Variants in GALK2 observed in about 807,000 individuals in gnomAD.
GALK2 encodes the protein N-acetylgalactosamine kinase.
In GALK2, 36 loss-of-function variants were observed where a neutral mutation model predicts 52.4. That is an observed-to-expected ratio of 0.69 (90% CI 0.53 to 0.91). GALK2 has a LOEUF of 0.91. Among genes scored for constraint, GALK2 ranks in the 40% least tolerant of loss-of-function variants. The pLI is 0.00. For missense variants in GALK2, 579 were observed against 559.1 expected (o/e 1.04, Z -0.36); for synonymous variants, 176 against 199.1 (o/e 0.88, Z 0.98).
At chr15:49,277,535 C>T (rs1211901188) in intron 5 of GALK2, among the ~76,000 whole-genome samples, 1 of 148,196 alleles carries the variant, frequency 6.7e-6, no homozygotes, top group African/African-American at 2.5e-5. Flanking sequence ...CGGTGGCTCA[C>T]GCCTGTTATC....
chr15:49,200,163 G>C (rs994426070), intron 1 of GALK2, among the ~76,000 whole-genome samples: 1 of 152,146 alleles, frequency 6.6e-6, no homozygotes, highest in Non-Finnish European at 1.5e-5. Flanking sequence ...AGAGTATCAA[G>C]TTATTAAATA....
At position 49,236,116 on chromosome 15, in the gene GALK2, G is replaced by A. The variant is rs535988488; in HGVS notation, c.357+175G>A. 8.5e-5 allele frequency among the ~76,000 whole-genome samples: 13 copies of A among 152,300 alleles called. No homozygotes were observed. The South Asian group carries it at 2.5e-3, about 29-fold the overall frequency. Reference sequence around the variant, plus strand: ...GAAGATATGACTGTTTTGGGGTGGTGTTCACAGGGGGCAGTAGTGGTTTTT... The same window carrying A: ...GAAGATATGACTGTTTTGGGGTGGTATTCACAGGGGGCAGTAGTGGTTTTT... On this transcript the variant is annotated intron_variant, in intron 4 of 9. Coordinates refer to ENST00000560031, the MANE Select transcript of GALK2 (RefSeq NM_002044.4).
At chr15:49,250,164 C>G (rs1234050635) in intron 5 of GALK2, among the ~76,000 whole-genome samples, 1 of 152,112 alleles carries the variant, frequency 6.6e-6, no homozygotes, top group African/African-American at 2.4e-5. Flanking sequence ...AATTTATGTT[C>G]AAGTGCTATT....
chr15:49,201,052 GA>G, intron 1 of GALK2, 109 bp from the exon 2 acceptor site: 1 of 508,606 alleles, frequency 2.0e-6, no homozygotes, highest in Non-Finnish European at 3.4e-6. Context: ...CAGGCATATG[GA>G]GTGTGTGTGT....
chr15:49,195,593 T>C (rs1013589303), intron 1 of GALK2, among the ~76,000 whole-genome samples: 1 of 152,210 alleles, frequency 6.6e-6, no homozygotes, highest in Non-Finnish European at 1.5e-5. Flanking sequence ...GTGAATTCTT[T>C]TATTATTCAA....
chr15:49,266,593 T>C (rs2141666240), intron 5 of GALK2, among the ~76,000 whole-genome samples: 1 of 152,186 alleles, frequency 6.6e-6, no homozygotes, highest in East Asian at 1.9e-4. Context: ...ACAGCTTCTA[T>C]GATCATATGA....
chr15:49,365,886 TGCA>T, intron 3 of GALK2: 1 of 963,942 alleles, frequency 1.0e-6, no homozygotes, highest in Non-Finnish European at 1.7e-6. Flanking sequence ...TATGAATTAG[TGCA>T]GCAAGAGAGT....
At chr15:49,299,813 C>T (rs1258770383) in intron 8 of GALK2, among the ~76,000 whole-genome samples, 1 of 118,964 alleles carries the variant, frequency 8.4e-6, no homozygotes, top group South Asian at 2.6e-4. Context: ...AGTCTGAGAG[C>T]GTGATTGGTA....
intron 1 of GALK2, among the ~76,000 whole-genome samples, chr15:49,196,470 A>G (rs1290841816): frequency 1.3e-5 from 2 of 151,816 alleles, no homozygotes; most frequent in Non-Finnish European, 2.9e-5. Flanking sequence ...TATTGCATTG[A>G]GTGTTGTTTG....
intron 9 of GALK2, among the ~76,000 whole-genome samples, chr15:49,322,898 A>G (rs997461053): frequency 1.3e-5 from 2 of 150,478 alleles, no homozygotes; most frequent in Non-Finnish European, 3.0e-5. Flanking sequence ...CAGAGCTTGC[A>G]GTGAGCCGAG....
chr15:49,246,539 T>A (rs1258578120), intron 5 of GALK2, among the ~76,000 whole-genome samples: 1 of 152,256 alleles, frequency 6.6e-6, no homozygotes, highest in East Asian at 1.9e-4. Context: ...ATTATCTTGG[T>A]TGATGAAGAC....
chr15:49,230,303 G>A (rs1171916312), intron 3 of GALK2, among the ~76,000 whole-genome samples: 2 of 152,196 alleles, frequency 1.3e-5, no homozygotes, highest in Non-Finnish European at 2.9e-5. Context: ...GTCCTAAAGG[G>A]TTGAGGCGCT....
intron 3 of GALK2, among the ~76,000 whole-genome samples, chr15:49,234,772 T>TC (rs1265651826): frequency 1.3e-5 from 2 of 148,196 alleles, no homozygotes; most frequent in African/African-American, 4.9e-5. Context: ...ATCAGATACT[T>TC]TTTTTTTTTT....
Position 49,331,248 on chromosome 15 carries a change from G to A in GALK2, c.*3089G>A, listed in dbSNP as rs559381911. ...CTCTACATGTTCTTGTCTGTTGGGAGAGAAGAAGCCCTTCAGACTTAACAA... is the reference window on the plus strand; with the variant it reads ...CTCTACATGTTCTTGTCTGTTGGGAAAGAAGAAGCCCTTCAGACTTAACAA... On this transcript the variant is annotated 3_prime_UTR_variant, in exon 10 of 10. Coordinates refer to ENST00000560031, the MANE Select transcript of GALK2 (RefSeq NM_002044.4). 1 of 153,448 alleles carries A rather than the reference G, an allele frequency of 6.5e-6. No homozygotes were observed. Among genetic ancestry groups the A allele is most frequent in the Non-Finnish European group, 1.5e-5 (1 of 68,910 alleles). 9.5% of individuals were successfully genotyped at this position (153,448 alleles called of 1,614,324 possible).
At chr15:49,180,790 G>A (rs1301648163) in intron 1 of GALK2, among the ~76,000 whole-genome samples, 3 of 152,066 alleles carry the variant, frequency 2.0e-5, no homozygotes, top group Non-Finnish European at 2.9e-5. Context: ...TACCCCACCT[G>A]TCTGACATCA....
At chr15:49,359,772 A>G (rs1448657037) in intron 3 of GALK2, among the ~76,000 whole-genome samples, 2 of 135,802 alleles carry the variant, frequency 1.5e-5, no homozygotes, top group Non-Finnish European at 3.2e-5. Flanking sequence ...TCATGCTGCT[A>G]TAAAGACACA....
chr15:49,262,484 G>T (rs1394210609), intron 5 of GALK2, among the ~76,000 whole-genome samples: 1 of 152,160 alleles, frequency 6.6e-6, no homozygotes, highest in Non-Finnish European at 1.5e-5. Context: ...CTTGCTAGCG[G>T]TCTGTCAATT....
At chr15:49,281,948 A>C (rs780988499) in intron 5 of GALK2, 39 bp from the exon 6 acceptor site, 2 of 1,426,532 alleles carry the variant, frequency 1.4e-6, no homozygotes, top group Non-Finnish European at 9.9e-7. Flanking sequence ...GAAATGGGTT[A>C]TGACTACTCA....
chr15:49,245,172 C>G (rs1443121060), intron 5 of GALK2, among the ~76,000 whole-genome samples: 2 of 151,912 alleles, frequency 1.3e-5, no homozygotes, highest in African/African-American at 4.8e-5. Context: ...TGTAAGAGAG[C>G]TAAAATCCTC....
Sources: gnomAD v4.1 joint callset for allele counts (sites outside exome capture counted in the v4.1 genomes callset) on GRCh38, gnomAD v4.1.1 for gene constraint, MANE v1.5 for transcripts, NCBI Gene and HGNC (gene_info 2026-07-23, HGNC 2026-07-21) for gene names.